Variants in RGS6 observed in about 807,000 individuals in gnomAD.
RGS6 encodes the protein regulator of G-protein signaling 6.
RGS6 carries 30 observed loss-of-function variants against 78.5 expected under a neutral mutation model. The observed-to-expected ratio is 0.38, with a 90% CI of 0.29 to 0.52. The LOEUF (loss-of-function observed/expected upper bound fraction) is 0.52, where lower values mean the gene tolerates loss of function less well. Ranked by LOEUF, RGS6 falls within the 20% of genes least tolerant of loss-of-function variation. RGS6 has a pLI of 0.85. For synonymous variants in RGS6, 206 were observed against 206.0 expected (o/e 1.00, Z 0.00); for missense variants, 495 against 609.7 (o/e 0.81, Z 1.98).
chr14:72,468,403 A>C (rs2095982751), intron 7 of RGS6, among the ~76,000 whole-genome samples: 1 of 151,916 alleles, frequency 6.6e-6, no homozygotes, highest in African/African-American at 2.4e-5. Context: ...TATGGCATTG[A>C]GATGTGCTCT....
chr14:72,541,004 C>A (rs1023465383), intron 17 of RGS6: 12 of 1,284,864 alleles, frequency 9.3e-6, no homozygotes, highest in Non-Finnish European at 1.2e-5. Context: ...CCATGCTGGT[C>A]GGCCCAAGAT....
At chr14:72,381,892 C>CG (rs1291378939) in intron 3 of RGS6, among the ~76,000 whole-genome samples, 2 of 151,968 alleles carry the variant, frequency 1.3e-5, no homozygotes, top group Non-Finnish European at 2.9e-5. Flanking sequence ...AGGATATAAA[C>CG]GTCCTCTATT....
chr14:71,963,779 G>A (rs934405881), intron 1 of RGS6, among the ~76,000 whole-genome samples: 1 of 152,090 alleles, frequency 6.6e-6, no homozygotes, highest in Non-Finnish European at 1.5e-5. Flanking sequence ...TAGACATTTG[G>A]GTTGTTTCCC....
At chr14:71,948,964 A>C (rs2091958441) in intron 1 of RGS6, among the ~76,000 whole-genome samples, 1 of 152,110 alleles carries the variant, frequency 6.6e-6, no homozygotes, top group Non-Finnish European at 1.5e-5. Flanking sequence ...CCTTATGCAC[A>C]ACATTGTTTG....
In RGS6 at chr14:72,469,731, A is replaced by C. The variant is rs2096021920; in HGVS notation, c.460-276A>C. The C allele has an allele frequency of 1.0e-5, 3 of 300,316 alleles. No homozygotes were observed. In the South Asian group the frequency reaches 2.7e-4, roughly 27 times the overall value. 18.6% of individuals were successfully genotyped at this position (300,316 alleles called of 1,614,324 possible). A position where few individuals can be genotyped will look rare whatever the true frequency, so the allele number is the denominator to read the frequency against. ...CAACCTTTGAAACAAGTGCTGTGTG[A>C]GTTGCATTCTTGTAAAACACCTTCA... On this transcript the variant is annotated intron_variant, in intron 7 of 17. Transcript: ENST00000553525.
the RGS6 span, among the ~76,000 whole-genome samples, chr14:72,618,969 G>T: frequency 6.6e-6 from 1 of 152,186 alleles, no homozygotes; most frequent in East Asian, 1.9e-4. Flanking sequence ...GTCAGGAAAT[G>T]GCTTCCCTTA....
rs190796120 is a variant in RGS6 at position 72,387,497 on chromosome 14, C to T, written c.184+35303C>T. 8.6e-5 allele frequency among the ~76,000 whole-genome samples: 13 copies of T among 151,276 alleles called. No individual in the cohort carries two copies. The East Asian group carries it at 2.1e-3, about 25-fold the overall frequency. ...CCAGGAGGCAGAGCTTGCAGTGAGCCGAGATCGCACCACTGGACTCCAGCC... is the reference window on the plus strand; with the variant it reads ...CCAGGAGGCAGAGCTTGCAGTGAGCTGAGATCGCACCACTGGACTCCAGCC... On this transcript the variant is annotated intron_variant, in intron 3 of 17. Transcript: ENST00000553525.
chr14:72,232,773 AG>A (rs1431989375), intron 2 of RGS6, among the ~76,000 whole-genome samples: 2 of 152,142 alleles, frequency 1.3e-5, no homozygotes, highest in African/African-American at 2.4e-5. Context: ...AAGTCAGGAA[AG>A]GAGGGTAGAA....
chr14:72,400,717 A>G (rs776606776), intron 3 of RGS6, among the ~76,000 whole-genome samples: 1 of 152,230 alleles, frequency 6.6e-6, no homozygotes, highest in Non-Finnish European at 1.5e-5. Context: ...GACTAGAGAG[A>G]TAGCCAGACT....
intron 2 of RGS6, among the ~76,000 whole-genome samples, chr14:72,299,899 A>T (rs1253965824): frequency 6.6e-6 from 1 of 151,992 alleles, no homozygotes; most frequent in African/African-American, 2.4e-5. Flanking sequence ...TTTCTTAATG[A>T]GTCTAAATAG....
chr14:71,885,184 A>G, the RGS6 span, among the ~76,000 whole-genome samples: 1 of 152,172 alleles, frequency 6.6e-6, no homozygotes, highest in Admixed American at 6.5e-5. Flanking sequence ...TAAATTATAA[A>G]CAAATTTTCA....
the RGS6 span, among the ~76,000 whole-genome samples, chr14:71,912,917 C>T: frequency 1.2e-4 from 18 of 152,138 alleles, no homozygotes; most frequent in African/African-American, 4.3e-4. Flanking sequence ...GCTCTGACTC[C>T]CGGGTTCATG....
chr14:72,224,199 G>A (rs2047548153), intron 2 of RGS6, among the ~76,000 whole-genome samples: 1 of 152,136 alleles, frequency 6.6e-6, no homozygotes, highest in South Asian at 2.1e-4. Flanking sequence ...TGGGCAGATT[G>A]CTTGAGCTCA....
At chr14:71,986,014 AGT>A (rs1460841217) in intron 2 of RGS6, among the ~76,000 whole-genome samples, 8 of 152,350 alleles carry the variant, frequency 5.3e-5, no homozygotes, top group Admixed American at 6.5e-5. Context: ...TCTGCAGCCA[AGT>A]TTGAAGAATA....
rs2097136979 is a variant in RGS6, at chr14:72,178,703, A to C, written c.85-173392A>C. ...CAAGGCTGGGAGGTACTGACGCATT[A>C]CTGACACCTAGGGATAGGCTACCTA... On this transcript the variant is annotated intron_variant, in intron 2 of 17. Coordinates refer to ENST00000553525, the MANE Select transcript of RGS6 (RefSeq NM_001204424.2). Among the ~76,000 whole-genome samples, 3 of 152,342 alleles carry C rather than the reference A, an allele frequency of 2.0e-5. No homozygotes were observed. The South Asian group carries it at 6.2e-4, about 32-fold the overall frequency.
At chr14:71,921,603 A>G in the RGS6 span, among the ~76,000 whole-genome samples, 80 of 152,258 alleles carry the variant, frequency 5.3e-4, no homozygotes, top group Non-Finnish European at 1.5e-5. Flanking sequence ...AAATGAAATA[A>G]GGCAGACACA....
chr14:72,312,395 A>G (rs1345223441), intron 2 of RGS6, among the ~76,000 whole-genome samples: 1 of 152,270 alleles, frequency 6.6e-6, no homozygotes, highest in East Asian at 1.9e-4. Flanking sequence ...TGAAGTGGCT[A>G]AAGAAGTTGT....
intron 2 of RGS6, among the ~76,000 whole-genome samples, chr14:72,028,291 C>T (rs1193437070): frequency 2.0e-5 from 3 of 152,230 alleles, no homozygotes; most frequent in Non-Finnish European, 4.4e-5. Flanking sequence ...GGTTTGCAGA[C>T]ACCCTCTCCT....
the RGS6 span, among the ~76,000 whole-genome samples, chr14:72,585,949 G>A: frequency 6.6e-6 from 1 of 152,144 alleles, no homozygotes; most frequent in Non-Finnish European, 1.5e-5. Context: ...CCATATGACT[G>A]TCAGAATTAT....
Sources: allele counts gnomAD v4.1 joint callset (sites outside exome capture counted in the v4.1 genomes callset), GRCh38; gene constraint gnomAD v4.1.1; transcripts MANE v1.5; gene names NCBI Gene and HGNC (gene_info 2026-07-23, HGNC 2026-07-21).